KIR2DL1: variants seen among roughly 807,000 people sequenced by gnomAD.
The protein encoded by KIR2DL1 is killer cell immunoglobulin like receptor, two Ig domains and long cytoplasmic tail 1.
KIR2DL1 carries 38 observed loss-of-function variants against 33.9 expected under a neutral mutation model. That is an observed-to-expected ratio of 1.12 (90% CI 0.86 to 1.47). The LOEUF (loss-of-function observed/expected upper bound fraction) is 1.47. Ranked by LOEUF, KIR2DL1 falls within the 40% of genes most tolerant of loss-of-function variation. The probability of loss-of-function intolerance (pLI) is 0.00; values close to 1 mark genes in which losing one functional copy is unlikely to be tolerated. For synonymous variants in KIR2DL1, 179 were observed against 165.9 expected (o/e 1.08, Z -0.61); for missense variants, 531 against 433.9 (o/e 1.22, Z -1.99).
chr19:54,778,450 C>T (rs929983754), intron 4 of KIR2DL1, among the ~76,000 whole-genome samples, 162 bp from the exon 5 acceptor site: 3 of 145,530 alleles, frequency 2.1e-5, no homozygotes, highest in African/African-American at 5.0e-5. Context: ...AGTCTCAAGA[C>T]AGTGGGTGTC....
chr19:54,778,583 C>T (rs1569212575), intron 4 of KIR2DL1, 29 bp from the exon 5 acceptor site: 3 of 1,511,868 alleles, frequency 2.0e-6, no homozygotes, highest in East Asian at 4.5e-5. Flanking sequence ...ACCCTCATTT[C>T]CTCACCTCTC....
At chr19:54,778,544 C>T in intron 4 of KIR2DL1, 68 bp from the exon 5 acceptor site, 1 of 1,419,368 alleles carries the variant, frequency 7.0e-7, no homozygotes. Context: ...GAACCATCCT[C>T]AAAGATTTCC....
intron 7 of KIR2DL1, 26 bp from the exon 8 acceptor site, chr19:54,783,611 C>T (rs1380617089): frequency 8.7e-6 from 14 of 1,614,004 alleles, no homozygotes; most frequent in Non-Finnish European, 1.2e-5. Flanking sequence ...AGCACCCTCC[C>T]TCACTCAGCA....
At chr19:54,770,590 G>A (rs2075578102) in intron 1 of KIR2DL1, among the ~76,000 whole-genome samples, 1 of 146,902 alleles carries the variant, frequency 6.8e-6, no homozygotes, top group South Asian at 2.2e-4. Flanking sequence ...TTGGCGATAT[G>A]GGCTTAGGGT....
intron 2 of KIR2DL1, among the ~76,000 whole-genome samples, chr19:54,771,154 T>C: frequency 6.7e-6 from 1 of 148,354 alleles, no homozygotes; most frequent in East Asian, 1.9e-4. Context: ...GACAAAGGTG[T>C]TACTCACACA....
chr19:54,783,064 G>T (rs569660310), intron 6 of KIR2DL1, 41 bp downstream of exon 6: 1 of 1,594,928 alleles, frequency 6.3e-7, no homozygotes. Context: ...TCAGGGCCAT[G>T]TGGGGAAGCA....
chr19:54,782,769 A>T (rs111275842), intron 5 of KIR2DL1, among the ~76,000 whole-genome samples, 153 bp from the exon 6 acceptor site: 149,044 of 151,808 alleles, frequency 0.98, 73,152 homozygotes, highest in East Asian at 1. Context: ...GAGCTATAAC[A>T]GAAAAAGCAG....
chr19:54,775,300 G>A lies in KIR2DL1; in HGVS notation c.506G>A (p.Arg169His), dbSNP rs377404034. 4.8e-5 allele frequency: 77 copies of A among 1,598,558 alleles called. 1 individual carries two copies. The highest frequency in any genetic ancestry group is 2.9e-4 in the South Asian group (26 of 90,258). The change falls in exon 4 of 8, where the codon CGT becomes CAT. Residue 169 changes from arginine (R) to histidine (H), a missense_variant. By Grantham distance (29) the Arg-to-His change is conservative (BLOSUM62 0). Coordinates refer to ENST00000336077, the MANE Select transcript of KIR2DL1 (RefSeq NM_014218.3). Reference protein sequence around the residue: ...HLSREGEAHERRLPAGPKVNG... With the variant: ...HLSREGEAHEHRLPAGPKVNG... ...TCCAGGGAAGGGGAGGCCCATGAACGTAGGCTCCCTGCAGGGCCCAAGGTC... is the reference window on the plus strand; with the variant it reads ...TCCAGGGAAGGGGAGGCCCATGAACATAGGCTCCCTGCAGGGCCCAAGGTC...
At chr19:54,778,027 G>T (rs202070190) in intron 4 of KIR2DL1, among the ~76,000 whole-genome samples, 1 of 147,126 alleles carries the variant, frequency 6.8e-6, no homozygotes, top group African/African-American at 2.5e-5. Context: ...TTGGGAGCCC[G>T]AGGTGGGTGG....
chr19:54,776,179 CAG>C (rs1569193278), intron 4 of KIR2DL1, among the ~76,000 whole-genome samples: 18,859 of 132,556 alleles, frequency 0.14, 240 homozygotes, highest in South Asian at 0.23. Context: ...CATGGGCCAC[CAG>C]GCCCAGCCAC....
chr19:54,777,995 T>G (rs1384868970), intron 4 of KIR2DL1, among the ~76,000 whole-genome samples: 10 of 148,668 alleles, frequency 6.7e-5, no homozygotes, highest in African/African-American at 2.5e-4. Flanking sequence ...GCTTGGTGGC[T>G]AACACCTGCA....
In KIR2DL1 at chr19:54,782,948, A is replaced by C. The variant is rs773591138; in HGVS notation, c.742A>C (p.Ile248Leu). The change falls in exon 6 of 8, where the codon ATT becomes CTT. Residue 248 changes from isoleucine to leucine, a missense_variant. Physicochemically the swap from Ile to Leu is conservative, Grantham distance 5. Coordinates refer to ENST00000336077, the MANE Select transcript of KIR2DL1 (RefSeq NM_014218.3). ...TAACCCCCGACACCTGCACATTCTG[A>C]TTGGGACCTCAGTGGTCATCATCCT... ...TGNPRHLHIL[I>L]GTSVVIILFI... 6.6e-5 allele frequency: 107 copies of C among 1,613,540 alleles called. 1 individual carries two copies. Among genetic ancestry groups the C allele is most frequent in the Non-Finnish European group, 8.3e-5 (98 of 1,179,858 alleles).
chr19:54,783,640 T>C lies in KIR2DL1; in HGVS notation c.874T>C (p.Ser292Pro). 1.9e-6 allele frequency: 3 copies of C among 1,613,976 alleles called. No individual in the cohort carries two copies. The highest frequency in any genetic ancestry group is 2.2e-5 in the East Asian group (1 of 44,886). Residue 292 changes from serine to proline, a missense_variant, in exon 8 of 8, where the codon TCT (serine) becomes CCT (proline). Ser to Pro is a moderately conservative substitution (Grantham distance 74, BLOSUM62 -1). Transcript: ENST00000336077. ...CTCAGCATTTCCCTCTCTCCAGGAC[T>C]CTGATGAACAAGACCCTCAGGAGGT... Reference protein sequence around the residue: ...AGNRTANSEDSDEQDPQEVTY... With the variant: ...AGNRTANSEDPDEQDPQEVTY...
chr19:54,784,146 C>T lies in KIR2DL1; in HGVS notation c.*333C>T. 1 of 510,578 alleles carries T rather than the reference C, an allele frequency of 2.0e-6. No homozygotes were observed. The highest frequency in any genetic ancestry group is 3.4e-5 in the Admixed American group (1 of 29,086). 31.6% of individuals were successfully genotyped at this position (510,578 alleles called of 1,614,324 possible). A position where few individuals can be genotyped will look rare whatever the true frequency, so the allele number is the denominator to read the frequency against. On this transcript the variant is annotated 3_prime_UTR_variant, in exon 8 of 8. Coordinates refer to ENST00000336077, the MANE Select transcript of KIR2DL1 (RefSeq NM_014218.3). ...ACACTGAGGAACTCACAATTCCAAA[C>T]ATACAAGAGGCTCCCTCTTAACGCA...
rs1379078635 is a variant in KIR2DL1 at position 54,774,311 on chromosome 19, G to A, written c.370+679G>A. On this transcript the variant is annotated intron_variant, in intron 3 of 7. Transcript: ENST00000336077. The stretch of plus-strand genomic sequence containing the variant: ...GAATGAGCCAGAGGAAGGAGATTGA[G>A]AGACTCACAGACACATAAAGAGAGA... Among the ~76,000 whole-genome samples, 3 of 145,722 alleles carry A rather than the reference G, an allele frequency of 2.1e-5. 1 individual carries two copies. The highest frequency in any genetic ancestry group is 7.5e-5 in the African/African-American group (3 of 39,936).
intron 2 of KIR2DL1, among the ~76,000 whole-genome samples, chr19:54,771,992 C>T (rs2075784931): frequency 6.8e-6 from 1 of 148,074 alleles, no homozygotes; most frequent in Non-Finnish European, 1.5e-5. Context: ...CAAGTCCTGA[C>T]TGTATTTGGG....
chr19:54,775,871 A>T (rs1600766682), intron 4 of KIR2DL1, among the ~76,000 whole-genome samples: 1 of 148,748 alleles, frequency 6.7e-6, no homozygotes, highest in East Asian at 1.9e-4. Flanking sequence ...TTGAGGATAA[A>T]TATACCTATA....
chr19:54,776,880 G>T (rs1439432814), intron 4 of KIR2DL1, among the ~76,000 whole-genome samples: 11 of 147,610 alleles, frequency 7.5e-5, no homozygotes, highest in Non-Finnish European at 1.4e-4. Context: ...GACCTCAACT[G>T]AGGTGCCCGC....
intron 2 of KIR2DL1, among the ~76,000 whole-genome samples, chr19:54,771,549 G>T (rs1480637334): frequency 6.8e-6 from 1 of 147,234 alleles, no homozygotes; most frequent in Non-Finnish European, 1.5e-5. Context: ...AATCTTCAGA[G>T]CACAGGGAGG....
Sources: allele counts gnomAD v4.1 joint callset (sites outside exome capture counted in the v4.1 genomes callset), GRCh38; gene constraint gnomAD v4.1.1; transcripts MANE v1.5; gene names NCBI Gene and HGNC (gene_info 2026-07-23, HGNC 2026-07-21).